PCSK2: variants seen among roughly 807,000 people sequenced by gnomAD.
PCSK2 encodes the protein proprotein convertase subtilisin/kexin type 2.
Under a neutral mutation model 69.7 loss-of-function variants are expected in PCSK2, and 14 were observed. That is an observed-to-expected ratio of 0.20 (90% confidence interval 0.13 to 0.31). PCSK2 has a LOEUF of 0.31. PCSK2 is among the 10% of genes least tolerant of loss of function. The pLI, the probability that PCSK2 is intolerant of heterozygous loss-of-function variation, is 1.00. For synonymous variants in PCSK2, 307 were observed against 320.7 expected, an observed-to-expected ratio of 0.96 and a Z score of 0.46; for missense variants, 544 against 842.5, an observed-to-expected ratio of 0.65 and a Z score of 4.39.
At chr20:17,454,314 A>G (rs2032880658) in intron 9 of PCSK2, among the ~76,000 whole-genome samples, 1 of 152,226 alleles carries the variant, frequency 6.6e-6, no homozygotes. Flanking sequence ...AAGGCATCAC[A>G]CTGTAACCCT....
intron 2 of PCSK2, among the ~76,000 whole-genome samples, chr20:17,318,019 C>T (rs1989742415): frequency 6.6e-6 from 1 of 152,152 alleles, no homozygotes; most frequent in Non-Finnish European, 1.5e-5. Context: ...ATGTGTCATT[C>T]AAATTTGTTT....
intron 8 of PCSK2, among the ~76,000 whole-genome samples, chr20:17,440,651 A>C (rs1020501240): frequency 6.6e-5 from 10 of 152,194 alleles, no homozygotes; most frequent in African/African-American, 2.4e-4. Context: ...ACCTGAGGTC[A>C]GGAGTTCAAG....
intron 1 of PCSK2, among the ~76,000 whole-genome samples, chr20:17,257,570 T>A (rs1485713625): frequency 6.6e-6 from 1 of 152,248 alleles, no homozygotes; most frequent in Admixed American, 6.5e-5. Context: ...CTTGGTTAAC[T>A]TAATAGTTAG....
intron 10 of PCSK2, among the ~76,000 whole-genome samples, chr20:17,458,900 G>A (rs2032967757): frequency 6.6e-6 from 1 of 152,026 alleles, no homozygotes; most frequent in East Asian, 1.9e-4. Context: ...AATTTTAGTG[G>A]GGGATGACTG....
At chr20:17,245,516 G>A (rs1054004832) in intron 1 of PCSK2, among the ~76,000 whole-genome samples, 3 of 152,188 alleles carry the variant, frequency 2.0e-5, no homozygotes, top group Non-Finnish European at 4.4e-5. Flanking sequence ...TGAACCCAAA[G>A]CTGATGTTTG....
intron 11 of PCSK2, among the ~76,000 whole-genome samples, chr20:17,466,867 C>T (rs1011951495): frequency 1.3e-5 from 2 of 152,142 alleles, no homozygotes; most frequent in Non-Finnish European, 2.9e-5. Flanking sequence ...TCTGTAGATT[C>T]GTTTCACCAG....
chr20:17,371,446 T>C (rs2030759767), intron 5 of PCSK2, among the ~76,000 whole-genome samples: 1 of 152,218 alleles, frequency 6.6e-6, no homozygotes, highest in Admixed American at 6.5e-5. Flanking sequence ...TCCTCTGAGA[T>C]CTGCAATACC....
At position 17,409,155 on chromosome 20, in the gene PCSK2, C is replaced by T. The variant is rs145649869; in HGVS notation, c.544-108C>T. The T allele has an allele frequency of 2.5e-4, 205 of 832,204 alleles. 1 individual carries two copies. In the East Asian group the frequency reaches 4.8e-3, roughly 20 times the overall value. The allele number at this position is 832,204 out of a possible 1,614,324, so 51.6% of individuals were successfully genotyped here. The stretch of plus-strand genomic sequence containing the variant: ...GTGAGGTTTGGTCCAGTGCAGCACA[C>T]TAATCCAGCACTCCAGGGAGGACTA... On this transcript the variant is annotated intron_variant, in intron 5 of 11. Coordinates refer to ENST00000262545, the MANE Select transcript of PCSK2 (RefSeq NM_002594.5).
chr20:17,232,942 A>T (rs1986195378), intron 1 of PCSK2, among the ~76,000 whole-genome samples: 1 of 152,210 alleles, frequency 6.6e-6, no homozygotes, highest in Non-Finnish European at 1.5e-5. Flanking sequence ...TTCCCTAGAC[A>T]TGGCTGCCAT....
chr20:17,277,290 G>A (rs1988120316), intron 2 of PCSK2, among the ~76,000 whole-genome samples: 1 of 152,136 alleles, frequency 6.6e-6, no homozygotes, highest in African/African-American at 2.4e-5. Flanking sequence ...AACAAAGCTG[G>A]AGGCATCACG....
intron 1 of PCSK2, among the ~76,000 whole-genome samples, chr20:17,237,336 G>C (rs1986381247): frequency 6.6e-6 from 1 of 152,188 alleles, no homozygotes; most frequent in Non-Finnish European, 1.5e-5. Flanking sequence ...ACAAGGATTT[G>C]TTCACATACA....
intron 9 of PCSK2, among the ~76,000 whole-genome samples, chr20:17,454,351 T>C (rs2032881263): frequency 6.6e-6 from 1 of 152,218 alleles, no homozygotes; most frequent in African/African-American, 2.4e-5. Context: ...CATCTGTTTA[T>C]TTATAGCAAT....
At chr20:17,404,684 G>A (rs1044270406) in intron 5 of PCSK2, among the ~76,000 whole-genome samples, 8 of 152,198 alleles carry the variant, frequency 5.3e-5, no homozygotes, top group African/African-American at 1.7e-4. Context: ...TATGGGGCAC[G>A]TATGTCTCAG....
chr20:17,295,327 C>T (rs1157814807), intron 2 of PCSK2, among the ~76,000 whole-genome samples: 1 of 151,706 alleles, frequency 6.6e-6, no homozygotes, highest in Non-Finnish European at 1.5e-5. Flanking sequence ...CTGGGCAGAG[C>T]CTGGAAGCCA....
chr20:17,446,445 C>T (rs2032700602), intron 8 of PCSK2, among the ~76,000 whole-genome samples: 1 of 152,184 alleles, frequency 6.6e-6, no homozygotes, highest in South Asian at 2.1e-4. Context: ...TCTATCATCA[C>T]TCCCACTCAC....
At chr20:17,348,058 A>AGAAAGAAAGAAAG (rs1411417498) in intron 2 of PCSK2, among the ~76,000 whole-genome samples, 94 of 78,904 alleles carry the variant, frequency 1.2e-3, no homozygotes, top group African/African-American at 4.3e-3. Flanking sequence ...AAGGAAAGAA[A>AGAAAGAAAGAAAG]GAAAGAAAGA....
chr20:17,481,388 C>CAAAAA (rs3076146), intron 11 of PCSK2, among the ~76,000 whole-genome samples, 196 bp from the exon 12 acceptor site: 43 of 65,690 alleles, frequency 6.5e-4, no homozygotes, highest in African/African-American at 3.0e-3. Context: ...TCTCAAAAGA[C>CAAAAA]AAAAAAAAAA....
chr20:17,227,087 C>G lies in PCSK2; in HGVS notation c.-219C>G. 1 of 553,596 alleles carries G rather than the reference C, an allele frequency of 1.8e-6. No individual in the cohort carries two copies. Among genetic ancestry groups the G allele is most frequent in the Non-Finnish European group, 3.2e-6 (1 of 313,192 alleles). The allele number at this position is 553,596 out of a possible 1,614,324, so 34.3% of individuals were successfully genotyped here. On this transcript the variant is annotated 5_prime_UTR_variant, in exon 1 of 12. Coordinates refer to ENST00000262545, the MANE Select transcript of PCSK2 (RefSeq NM_002594.5). ...AGCTCCCCACATTCGCACCCCTGCC[C>G]GCGCGCCGGGCCGCCTGACTGCACG...
At chr20:17,342,173 CA>C (rs1990529071) in intron 2 of PCSK2, among the ~76,000 whole-genome samples, 1 of 152,232 alleles carries the variant, frequency 6.6e-6, no homozygotes, top group African/African-American at 2.4e-5. Flanking sequence ...TACACATACA[CA>C]CACACATACA....
Sources: allele counts gnomAD v4.1 joint callset (sites outside exome capture counted in the v4.1 genomes callset), GRCh38; gene constraint gnomAD v4.1.1; transcripts MANE v1.5; gene names NCBI Gene and HGNC (gene_info 2026-07-23, HGNC 2026-07-21).